Variants in WASHC5 observed in about 807,000 individuals in gnomAD.
The protein encoded by WASHC5 is WASH complex subunit strumpellin.
Under a neutral mutation model 150.4 loss-of-function variants are expected in WASHC5, and 101 were observed. The ratio of observed to expected loss-of-function variants is 0.67; its 90% confidence interval spans 0.57 to 0.79. The LOEUF is 0.79. WASHC5 is among the 30% of genes least tolerant of loss of function. The pLI is 0.00. For synonymous variants in WASHC5, 467 were observed against 491.2 expected (o/e 0.95, Z 0.65); for missense variants, 1,195 against 1,396.3 (o/e 0.86, Z 2.30).
chr8:125,077,523 A>G (rs540680647), intron 6 of WASHC5, among the ~76,000 whole-genome samples: 1 of 152,328 alleles, frequency 6.6e-6, no homozygotes, highest in East Asian at 1.9e-4. Flanking sequence ...ACACAGCACA[A>G]TCACAGCTTA....
intron 20 of WASHC5, 116 bp from the exon 21 acceptor site, chr8:125,044,814 G>A: frequency 9.3e-7 from 1 of 1,072,646 alleles, no homozygotes; most frequent in East Asian, 2.4e-5. Context: ...TACATGATCT[G>A]TGTTTTCTAA....
At chr8:125,064,544 C>T (rs1188261870) in intron 10 of WASHC5, among the ~76,000 whole-genome samples, 1 of 151,772 alleles carries the variant, frequency 6.6e-6, no homozygotes, top group Non-Finnish European at 1.5e-5. Flanking sequence ...TAATTCACTC[C>T]TTCATAACAT....
At chr8:125,064,134 A>G (rs1816681907) in intron 10 of WASHC5, among the ~76,000 whole-genome samples, 1 of 151,166 alleles carries the variant, frequency 6.6e-6, no homozygotes, top group South Asian at 2.1e-4. Context: ...TTGTTTTATT[A>G]TACAAGTTTA....
intron 23 of WASHC5, among the ~76,000 whole-genome samples, chr8:125,040,480 TTG>T (rs1491005164): frequency 6.6e-6 from 1 of 152,172 alleles, no homozygotes; most frequent in Non-Finnish European, 1.5e-5. Flanking sequence ...TTAATTTTTT[TTG>T]TGTGTCTGAT....
chr8:125,030,839 T>C (rs1815510127), intron 27 of WASHC5, among the ~76,000 whole-genome samples: 1 of 151,954 alleles, frequency 6.6e-6, no homozygotes, highest in Non-Finnish European at 1.5e-5. Flanking sequence ...AGTCACTCAC[T>C]ATGGTGAGCA....
chr8:125,027,022 A>T (rs1815395455), intron 28 of WASHC5, among the ~76,000 whole-genome samples: 1 of 152,146 alleles, frequency 6.6e-6, no homozygotes, highest in East Asian at 1.9e-4. Context: ...TATATTTAAA[A>T]TTTTTATAGT....
intron 9 of WASHC5, among the ~76,000 whole-genome samples, chr8:125,070,334 T>C (rs1816862672): frequency 1.3e-5 from 2 of 152,122 alleles, no homozygotes; most frequent in South Asian, 4.1e-4. Context: ...TTGTTTCTGA[T>C]AAATTACGAC....
At chr8:125,071,056 C>T (rs1033118277) in intron 9 of WASHC5, among the ~76,000 whole-genome samples, 2 of 152,202 alleles carry the variant, frequency 1.3e-5, no homozygotes, top group Admixed American at 6.5e-5. Flanking sequence ...TAAAGAGACA[C>T]AGTCTTATCT....
At chr8:125,042,427 T>G (rs1275770818) in intron 23 of WASHC5, among the ~76,000 whole-genome samples, 1 of 152,222 alleles carries the variant, frequency 6.6e-6, no homozygotes, top group Non-Finnish European at 1.5e-5. Flanking sequence ...TCCAGATTAT[T>G]AACACTGGCT....
chr8:125,045,294 T>C (rs1238952253), intron 20 of WASHC5, among the ~76,000 whole-genome samples: 1 of 152,224 alleles, frequency 6.6e-6, no homozygotes, highest in East Asian at 1.9e-4. Context: ...TGGGCACTTA[T>C]TGTGCACCAG....
chr8:125,082,248 T>G, intron 4 of WASHC5, 135 bp downstream of exon 4: 1 of 644,402 alleles, frequency 1.6e-6, no homozygotes, highest in South Asian at 1.8e-5. Flanking sequence ...ACCTGCCAGT[T>G]AGAAGATAAT....
chr8:125,082,997 T>A (rs1416321004), intron 3 of WASHC5, 116 bp downstream of exon 3: 3 of 711,800 alleles, frequency 4.2e-6, no homozygotes, highest in Non-Finnish European at 7.1e-6. Context: ...CTATATACAG[T>A]ATAAACTAAA....
At chr8:125,060,130 C>T (rs559851809) in intron 12 of WASHC5, among the ~76,000 whole-genome samples, 2 of 152,206 alleles carry the variant, frequency 1.3e-5, no homozygotes, top group Non-Finnish European at 2.9e-5. Flanking sequence ...AATTATATCT[C>T]TAAAAATATA....
chr8:125,038,442 G>A (rs919089753), intron 25 of WASHC5, among the ~76,000 whole-genome samples: 1 of 152,184 alleles, frequency 6.6e-6, no homozygotes, highest in African/African-American at 2.4e-5. Flanking sequence ...GCAGGGAAGA[G>A]TTTGTAGCTT....
intron 17 of WASHC5, among the ~76,000 whole-genome samples, chr8:125,055,085 T>G (rs1816367225): frequency 6.6e-6 from 1 of 152,100 alleles, no homozygotes; most frequent in Non-Finnish European, 1.5e-5. Context: ...CTTCAAGTAC[T>G]AAGAGAAATA....
At chr8:125,032,578 G>A (rs1815573212) in intron 26 of WASHC5, 184 bp from the exon 27 acceptor site, 2 of 675,800 alleles carry the variant, frequency 3.0e-6, no homozygotes, top group Non-Finnish European at 2.6e-6. Flanking sequence ...GGCATTCCAG[G>A]GGTCTGAAGG....
At position 125,055,691 on chromosome 8, in the gene WASHC5, G is replaced by A. The variant is rs759179193; in HGVS notation, c.2017-20C>T. ...GGCAACCTATAACAAAGAAAAAGAG[G>A]TATGAAAAATCACTGTCTAATAGTC... On this transcript the variant is annotated intron_variant, in intron 16 of 28. Coordinates refer to ENST00000318410, the MANE Select transcript of WASHC5 (RefSeq NM_014846.4). 4 of 1,469,102 alleles carry A rather than the reference G, an allele frequency of 2.7e-6. No individual in the cohort carries two copies. Among genetic ancestry groups the A allele is most frequent in the Non-Finnish European group, 3.8e-6 (4 of 1,048,220 alleles). 91.0% of individuals were successfully genotyped at this position (1,469,102 alleles called of 1,614,324 possible). A position where few individuals can be genotyped will look rare whatever the true frequency, so the allele number is the denominator to read the frequency against.
At chr8:125,078,454 T>C (rs936103217) in intron 6 of WASHC5, among the ~76,000 whole-genome samples, 1 of 152,218 alleles carries the variant, frequency 6.6e-6, no homozygotes, top group Non-Finnish European at 1.5e-5. Context: ...CGCATGTGAA[T>C]GGGCACGTAT....
chr8:125,060,485 C>CAAAAAAAA (rs58207257), intron 12 of WASHC5, among the ~76,000 whole-genome samples: 3,059 of 130,112 alleles, frequency 0.024, 115 homozygotes, highest in African/African-American at 0.079. Flanking sequence ...GATTCCGTCT[C>CAAAAAAAA]AAAAAAAAAA....
Sources: gnomAD v4.1 joint callset for allele counts (sites outside exome capture counted in the v4.1 genomes callset) on GRCh38, gnomAD v4.1.1 for gene constraint, MANE v1.5 for transcripts, NCBI Gene and HGNC (gene_info 2026-07-23, HGNC 2026-07-21) for gene names.